Variants in DTD1 observed in about 807,000 individuals in gnomAD.
The protein encoded by DTD1 is D-tyrosyl-tRNA deacylase 1 homolog.
DTD1 carries 13 observed loss-of-function variants against 25.6 expected under a neutral mutation model. The observed-to-expected ratio is 0.51, with a 90% CI of 0.33 to 0.81. The LOEUF (loss-of-function observed/expected upper bound fraction) is 0.81. Ranked by LOEUF, DTD1 falls within the 30% of genes least tolerant of loss-of-function variation. The pLI, the probability that DTD1 is intolerant of heterozygous loss-of-function variation, is 0.02. For synonymous variants in DTD1, 110 were observed against 103.6 expected, an observed-to-expected ratio of 1.06 and a Z score of -0.37; for missense variants, 193 against 266.4, an observed-to-expected ratio of 0.72 and a Z score of 1.92.
At chr20:18,588,411 T>G (rs2060574919) in intron 1 of DTD1, among the ~76,000 whole-genome samples, 1 of 152,158 alleles carries the variant, frequency 6.6e-6, no homozygotes, top group Non-Finnish European at 1.5e-5. Flanking sequence ...TTGTCCTGCG[T>G]GCGGGATGGC....
chr20:18,611,997 G>A (rs2060688347), intron 3 of DTD1, among the ~76,000 whole-genome samples: 1 of 151,286 alleles, frequency 6.6e-6, no homozygotes, highest in Admixed American at 6.6e-5. Context: ...TGGGATTACA[G>A]GCGCCCACGA....
chr20:18,677,244 A>G (rs146819234), intron 4 of DTD1, among the ~76,000 whole-genome samples: 1 of 151,864 alleles, frequency 6.6e-6, no homozygotes, highest in Non-Finnish European at 1.5e-5. Flanking sequence ...GAAAACATGC[A>G]CAAGTTTTTC....
intron 4 of DTD1, among the ~76,000 whole-genome samples, chr20:18,712,363 T>C (rs1386367462): frequency 1.4e-5 from 2 of 146,458 alleles, no homozygotes; most frequent in Non-Finnish European, 3.0e-5. Context: ...ACATATGATA[T>C]CATTTTCATA....
rs774083288 is a variant in DTD1, at chr20:18,642,919, C to CTTTTCT, written c.477+14690_477+14691insCTTTTT. ...CCAATTTCTTTCTTTCTTTTCTTTT[C>CTTTTCT]TTTTATTTTTTTTGAGACAGAGTTT... On this transcript the variant is annotated intron_variant, in intron 4 of 5. Transcript: ENST00000377452. The CTTTTCT allele has an allele frequency of 9.0e-3, 1,348 of 149,996 alleles. 18 individuals are homozygous for CTTTTCT. The highest frequency in any genetic ancestry group is 0.027 in the African/African-American group (1,087 of 40,648). The allele number at this position is 149,996 out of a possible 1,614,324, so 9.3% of individuals were successfully genotyped here. A position where few individuals can be genotyped will look rare whatever the true frequency, so the allele number is the denominator to read the frequency against.
intron 4 of DTD1, among the ~76,000 whole-genome samples, chr20:18,722,771 G>A (rs1348746073): frequency 6.6e-6 from 1 of 152,126 alleles, no homozygotes; most frequent in African/African-American, 2.4e-5. Flanking sequence ...GGCTGTCTTC[G>A]GTGTAGAAGT....
intron 4 of DTD1, among the ~76,000 whole-genome samples, chr20:18,680,504 T>C (rs2060992974): frequency 6.6e-6 from 1 of 150,788 alleles, no homozygotes; most frequent in Admixed American, 6.6e-5. Context: ...GGCCTCCCAA[T>C]GTGTTGGGAT....
intron 5 of DTD1, among the ~76,000 whole-genome samples, chr20:18,756,307 G>T (rs1415032589): frequency 2.0e-5 from 3 of 152,036 alleles, no homozygotes; most frequent in Admixed American, 2.0e-4. Context: ...GGCTTTTGTT[G>T]CCATTGCTTT....
At chr20:18,670,134 G>A (rs763466433) in intron 4 of DTD1, among the ~76,000 whole-genome samples, 1 of 152,154 alleles carries the variant, frequency 6.6e-6, no homozygotes, top group East Asian at 1.9e-4. Context: ...GTGTACAGCC[G>A]CTTGTTAGCG....
intron 3 of DTD1, among the ~76,000 whole-genome samples, chr20:18,600,938 C>T (rs2060631470): frequency 6.6e-6 from 1 of 152,104 alleles, no homozygotes; most frequent in Admixed American, 6.6e-5. Flanking sequence ...CTTTTGTATC[C>T]TGCAGTCTTG....
At chr20:18,628,526 A>G (rs1295456730) in intron 4 of DTD1, among the ~76,000 whole-genome samples, 2 of 151,974 alleles carry the variant, frequency 1.3e-5, no homozygotes, top group East Asian at 1.9e-4. Flanking sequence ...CGTGGCGCCC[A>G]CCTGCCCCTG....
chr20:18,613,481 T>C (rs1261415576), intron 3 of DTD1, among the ~76,000 whole-genome samples: 2 of 152,194 alleles, frequency 1.3e-5, no homozygotes, highest in Admixed American at 1.3e-4. Context: ...GTTTTTTATT[T>C]TCATAAGATA....
chr20:18,590,571 A>G (rs981290208), intron 1 of DTD1, among the ~76,000 whole-genome samples: 4 of 152,062 alleles, frequency 2.6e-5, no homozygotes, highest in African/African-American at 9.7e-5. Flanking sequence ...CCTGGGTTCA[A>G]GCGATTCTCA....
intron 3 of DTD1, among the ~76,000 whole-genome samples, chr20:18,617,932 G>A (rs1232153558): frequency 6.6e-6 from 1 of 151,758 alleles, no homozygotes; most frequent in African/African-American, 2.4e-5. Flanking sequence ...TTAAACTGCT[G>A]TGTACTGTTC....
intron 4 of DTD1, chr20:18,632,301 A>G: frequency 1.0e-6 from 1 of 981,706 alleles, no homozygotes. Flanking sequence ...ATTGTCTTGC[A>G]TCAACTTCAT....
intron 3 of DTD1, among the ~76,000 whole-genome samples, chr20:18,618,443 C>T (rs1600322269): frequency 1.3e-5 from 2 of 151,664 alleles, no homozygotes; most frequent in South Asian, 2.1e-4. Flanking sequence ...CAGCCTCAAC[C>T]TCCCAGGCTA....
intron 4 of DTD1, among the ~76,000 whole-genome samples, chr20:18,676,216 G>A (rs905192239): frequency 2.0e-5 from 3 of 152,122 alleles, no homozygotes; most frequent in African/African-American, 7.2e-5. Flanking sequence ...CCAAGGTTTC[G>A]AAACTGCTCA....
At chr20:18,687,094 A>T (rs144293087) in intron 4 of DTD1, among the ~76,000 whole-genome samples, 37 of 152,336 alleles carry the variant, frequency 2.4e-4, no homozygotes, top group African/African-American at 8.7e-4. Context: ...GGTGATGGAG[A>T]AAATTCAGGC....
Position 18,757,831 on chromosome 20 carries a change from G to A in DTD1, c.*20-5529G>A, listed in dbSNP as rs189010974. On this transcript the variant is annotated intron_variant, in intron 5 of 5. Transcript: ENST00000377452. ...CCCTCTTTTTCTATTGATTGGAATA[G>A]TTTCAGAAGGAATGGTACCAGCTCC... 5.5e-3 allele frequency among the ~76,000 whole-genome samples: 832 copies of A among 152,296 alleles called. 12 individuals are homozygous for A. Among genetic ancestry groups the A allele is most frequent in the African/African-American group, 0.019 (788 of 41,568 alleles).
intron 2 of DTD1, among the ~76,000 whole-genome samples, chr20:18,594,896 C>A (rs1357995273): frequency 6.6e-6 from 1 of 152,180 alleles, no homozygotes; most frequent in Non-Finnish European, 1.5e-5. Context: ...TAAGACAAAT[C>A]TTGGCTGTGG....
Sources: gnomAD v4.1 joint callset for allele counts (sites outside exome capture counted in the v4.1 genomes callset) on GRCh38, gnomAD v4.1.1 for gene constraint, MANE v1.5 for transcripts, NCBI Gene and HGNC (gene_info 2026-07-23, HGNC 2026-07-21) for gene names.